KANSL1: variants seen among roughly 807,000 people sequenced by gnomAD.
KANSL1 encodes KAT8 regulatory NSL complex subunit 1.
A neutral mutation model predicts 103.6 loss-of-function variants in KANSL1; 22 were observed. The ratio of observed to expected loss-of-function variants is 0.21; its 90% confidence interval spans 0.15 to 0.30. The LOEUF (loss-of-function observed/expected upper bound fraction) is 0.30. KANSL1 is among the 10% of genes least tolerant of loss of function. The pLI is 1.00. For missense variants in KANSL1, 1,337 were observed against 1,399.8 expected (o/e 0.96, Z 0.72); for synonymous variants, 600 against 527.6 (o/e 1.14, Z -1.88).
upstream of KANSL1, among the ~76,000 whole-genome samples, chr17:46,194,108 CGGGCCAGCCCGGGAA>C (rs2047519771): frequency 1.3e-5 from 2 of 152,160 alleles, no homozygotes; most frequent in African/African-American, 4.8e-5. Context: ...GGGCCCGCGC[CGGGCCAGCCCGGGAA>C]GGGACAGCCG....
chr17:46,213,613 G>A (rs368302090), intron 1 of KANSL1, among the ~76,000 whole-genome samples: 4 of 149,040 alleles, frequency 2.7e-5, no homozygotes, highest in East Asian at 2.2e-4. Context: ...CGGCCCAAAC[G>A]TTTTCTAATG....
intron 2 of KANSL1, among the ~76,000 whole-genome samples, chr17:46,099,281 G>A (rs1340431833): frequency 4.6e-5 from 5 of 107,728 alleles, no homozygotes; most frequent in East Asian, 4.2e-4. Flanking sequence ...CCGAGATTGC[G>A]CCACTGCACT....
rs190682630 is a variant in KANSL1 at position 46,075,369 on chromosome 17, C to T, written c.1533+7072G>A. Among the ~76,000 whole-genome samples, 208 of 147,654 alleles carry T rather than the reference C, an allele frequency of 1.4e-3. 1 individual carries two copies. Among genetic ancestry groups the T allele is most frequent in the African/African-American group, 4.7e-3 (193 of 41,400 alleles). ...TCTCTCTTTCTTTCTGACACAATCTCGCTGTTGACCAGGCTGGAATGCAGT... is the reference window on the plus strand; with the variant it reads ...TCTCTCTTTCTTTCTGACACAATCTTGCTGTTGACCAGGCTGGAATGCAGT... On this transcript the variant is annotated intron_variant, in intron 4 of 14. Transcript: ENST00000432791.
chr17:46,134,889 A>G (rs568719750), intron 2 of KANSL1, among the ~76,000 whole-genome samples: 1 of 152,092 alleles, frequency 6.6e-6, no homozygotes, highest in Middle Eastern at 3.2e-3. Context: ...TAGAGATAGG[A>G]AAGAGGAGGA....
chr17:46,166,467 G>A (rs1477449422), intron 2 of KANSL1, among the ~76,000 whole-genome samples: 2 of 151,342 alleles, frequency 1.3e-5, no homozygotes, highest in Non-Finnish European at 2.9e-5. Flanking sequence ...AGCCAAGATC[G>A]CGCCACTGCA....
intron 7 of KANSL1, chr17:46,042,924 C>T (rs944842816): frequency 7.3e-5 from 11 of 151,392 alleles, no homozygotes; most frequent in Admixed American, 6.6e-4. Context: ...TGAAAACAAA[C>T]ATTTGCTACC....
intron 4 of KANSL1, among the ~76,000 whole-genome samples, chr17:46,073,624 A>G (rs1445049035): frequency 6.6e-6 from 1 of 152,144 alleles, no homozygotes; most frequent in African/African-American, 2.4e-5. Flanking sequence ...CCCATACAAA[A>G]ATAAAAATTA....
intron 1 of KANSL1, among the ~76,000 whole-genome samples, chr17:46,185,249 A>G (rs901633478): frequency 6.6e-6 from 1 of 152,238 alleles, no homozygotes; most frequent in Non-Finnish European, 1.5e-5. Flanking sequence ...TCTATGCTAA[A>G]CCCATCAGAT....
intron 1 of KANSL1, among the ~76,000 whole-genome samples, chr17:46,205,865 C>T (rs951847675): frequency 7.9e-5 from 12 of 151,836 alleles, no homozygotes; most frequent in African/African-American, 1.9e-4. Context: ...GCTGCTTGAG[C>T]GCAGAAGTTC....
At chr17:46,091,616 C>T (rs2146917596) in intron 3 of KANSL1, among the ~76,000 whole-genome samples, 1 of 152,260 alleles carries the variant, frequency 6.6e-6, no homozygotes, top group Middle Eastern at 3.4e-3. Context: ...TTTTCTACTA[C>T]ATTTTTACTG....
intron 1 of KANSL1, among the ~76,000 whole-genome samples, chr17:46,189,265 A>T (rs956332193): frequency 6.6e-6 from 1 of 152,034 alleles, no homozygotes; most frequent in Non-Finnish European, 1.5e-5. Flanking sequence ...AAACCACTCA[A>T]TAAGATTTAC....
chr17:46,184,535 T>C (rs531513782), intron 1 of KANSL1, among the ~76,000 whole-genome samples: 13 of 152,280 alleles, frequency 8.5e-5, no homozygotes, highest in Middle Eastern at 6.8e-3. Flanking sequence ...GAGTCCAAAT[T>C]CCCCACACAC....
At chr17:46,211,902 G>A (rs1425604206) in intron 1 of KANSL1, among the ~76,000 whole-genome samples, 1 of 152,228 alleles carries the variant, frequency 6.6e-6, no homozygotes, top group African/African-American at 2.4e-5. Context: ...CAGGATAGAA[G>A]TGCTATCAGA....
chr17:46,109,696 A>T (rs2042721535), intron 2 of KANSL1, among the ~76,000 whole-genome samples: 1 of 152,256 alleles, frequency 6.6e-6, no homozygotes, highest in Non-Finnish European at 1.5e-5. Flanking sequence ...TCAATGACAT[A>T]ACATTTTTAA....
intron 2 of KANSL1, chr17:46,169,436 C>T (rs889372819): frequency 6.6e-6 from 1 of 152,194 alleles, no homozygotes; most frequent in African/African-American, 2.4e-5. Context: ...AATATCCATG[C>T]AGATAATATA....
chr17:46,161,443 A>C (rs1049272705), intron 2 of KANSL1, among the ~76,000 whole-genome samples: 1 of 151,942 alleles, frequency 6.6e-6, no homozygotes, highest in African/African-American at 2.4e-5. Context: ...CTCAAAAAAA[A>C]AAAAACCTTG....
Position 46,050,636 on chromosome 17 carries a change from G to C in KANSL1, c.1917C>G (p.Gly639=), listed in dbSNP as rs2146485476. 1.9e-6 allele frequency: 3 copies of C among 1,614,196 alleles called. No individual in the cohort carries two copies. The highest frequency in any genetic ancestry group is 2.5e-6 in the Non-Finnish European group (3 of 1,180,028). Residue 639 remains glycine, a synonymous_variant, in exon 7 of 15, where the codon GGC becomes GGG. Coordinates refer to ENST00000432791, the MANE Select transcript of KANSL1 (RefSeq NM_015443.4). ...TTTCGGGAGGCATGGTGTTGATGCTGCCTGAACCACACAGTGCGCAGGAGG... is the reference window on the plus strand; with the variant it reads ...TTTCGGGAGGCATGGTGTTGATGCTCCCTGAACCACACAGTGCGCAGGAGG... ...VNPSCALCGS[G]SINTMPPEIH... is the part of the protein sequence containing the mutation.
chr17:46,197,471 C>T (rs1318981937), upstream of KANSL1, among the ~76,000 whole-genome samples: 3 of 152,206 alleles, frequency 2.0e-5, no homozygotes, highest in Non-Finnish European at 4.4e-5. Context: ...GGTGAAACCC[C>T]GCCTCTACTA....
Position 46,048,897 on chromosome 17 carries a change from A to T in KANSL1, c.2020+1636T>A, listed in dbSNP as rs576484353. ...TAATTGAAAAAAAAAACTTCTTTTA[A>T]ACTTATTTAGCTAATCAGACTTTAG... On this transcript the variant is annotated intron_variant, in intron 7 of 14. Coordinates refer to ENST00000432791, the MANE Select transcript of KANSL1 (RefSeq NM_015443.4). 2.1e-4 allele frequency among the ~76,000 whole-genome samples: 32 copies of T among 152,344 alleles called. 1 individual carries two copies. The highest frequency in any genetic ancestry group is 6.3e-4 in the African/African-American group (26 of 41,578).
Sources: allele counts gnomAD v4.1 joint callset (sites outside exome capture counted in the v4.1 genomes callset), GRCh38; gene constraint gnomAD v4.1.1; transcripts MANE v1.5; gene names NCBI Gene and HGNC (gene_info 2026-07-23, HGNC 2026-07-21).